KANK1: variants seen among roughly 807,000 people sequenced by gnomAD.
The protein encoded by KANK1 is KN motif and ankyrin repeat domains 1.
KANK1 carries 109 observed loss-of-function variants against 106.2 expected under a neutral mutation model. The observed-to-expected ratio is 1.03, with a 90% CI of 0.88 to 1.20. The LOEUF is 1.20. KANK1 is among the 50% of genes most tolerant of loss of function. The pLI, the probability that KANK1 is intolerant of heterozygous loss-of-function variation, is 0.00. For missense variants in KANK1, 2,399 were observed against 1,710.7 expected (o/e 1.40, Z -7.10); for synonymous variants, 873 against 652.2 (o/e 1.34, Z -5.16).
rs557202732 is a variant in KANK1, at chr9:743,155, C to T, written c.3897+750C>T. On this transcript the variant is annotated intron_variant, in intron 10 of 11. Coordinates refer to ENST00000382297, the MANE Select transcript of KANK1 (RefSeq NM_015158.5). ...CACAGAGGTCGGGTTGGCTTGGTTC[C>T]GTTTTTGAAAGTTTATCTCTGTGGA... Among the ~76,000 whole-genome samples the T allele has an allele frequency of 1.2e-4, 19 of 152,234 alleles. No individual in the cohort carries two copies. The South Asian group carries it at 3.1e-3, about 25-fold the overall frequency.
chr9:677,657 A>G (rs951567195), intron 2 of KANK1: 1 of 152,212 alleles, frequency 6.6e-6, no homozygotes, highest in Admixed American at 6.5e-5. Context: ...CCTGCCCAAA[A>G]TGGCGTGCCA....
intron 1 of KANK1, among the ~76,000 whole-genome samples, chr9:560,312 G>C (rs28366600): frequency 0.31 from 46,884 of 152,152 alleles, 8,217 homozygotes; most frequent in African/African-American, 0.46. Flanking sequence ...AAAAGCATGG[G>C]CTTGATTGTA....
chr9:485,635 G>C (rs1302327456), intron 3 of KANK1, among the ~76,000 whole-genome samples: 1 of 152,148 alleles, frequency 6.6e-6, no homozygotes, highest in Non-Finnish European at 1.5e-5. Flanking sequence ...CACTTTGAGA[G>C]GCCGAGGCGG....
intron 1 of KANK1, among the ~76,000 whole-genome samples, chr9:653,942 TG>T (rs1387191526): frequency 1.3e-5 from 2 of 152,180 alleles, no homozygotes; most frequent in African/African-American, 4.8e-5. Flanking sequence ...TTTCATTTTT[TG>T]CAGAGTGTGC....
chr9:738,437 C>T lies in KANK1; in HGVS notation c.3486C>T (p.Gly1162=), dbSNP rs765330886. Residue 1162 remains glycine (G), a synonymous_variant, in exon 8 of 12, where the codon GGC becomes GGT. Transcript: ENST00000382297. ...RYVINLADGN[G]NTALHYSVSH... is the part of the protein sequence containing the mutation. The stretch of plus-strand genomic sequence containing the variant: ...TCATCAACTTGGCAGACGGCAACGG[C>T]AACACAGCCCTCCATTACAGCGTGT... 11 of 1,614,044 alleles carry T rather than the reference C, an allele frequency of 6.8e-6. No individual in the cohort carries two copies. The African/African-American group carries it at 9.3e-5, about 14-fold the overall frequency.
At chr9:604,595 A>G (rs1304763107) in intron 1 of KANK1, among the ~76,000 whole-genome samples, 1 of 151,350 alleles carries the variant, frequency 6.6e-6, no homozygotes, top group Non-Finnish European at 1.5e-5. Context: ...ACTTTGAGAG[A>G]CCAACGCGGG....
chr9:560,075 G>A (rs754373364), intron 1 of KANK1, among the ~76,000 whole-genome samples: 2 of 152,182 alleles, frequency 1.3e-5, no homozygotes, highest in Non-Finnish European at 2.9e-5. Context: ...ATCCTCTAAT[G>A]GAATAAATGG....
At chr9:580,429 T>C (rs192923678) in intron 1 of KANK1, among the ~76,000 whole-genome samples, 2 of 152,330 alleles carry the variant, frequency 1.3e-5, no homozygotes, top group African/African-American at 4.8e-5. Context: ...TCTGCTTTTA[T>C]TCTCTTATCT....
chr9:672,480 G>T (rs1219080055), intron 1 of KANK1, among the ~76,000 whole-genome samples: 1 of 152,108 alleles, frequency 6.6e-6, no homozygotes, highest in East Asian at 1.9e-4. Flanking sequence ...TACACTTTGG[G>T]TGACATTTTA....
intron 1 of KANK1, among the ~76,000 whole-genome samples, chr9:638,831 C>A (rs183998452): frequency 9.0e-4 from 137 of 152,274 alleles, no homozygotes; most frequent in Non-Finnish European, 1.5e-3. Flanking sequence ...CTTCTCTCTG[C>A]CATTCAATTT....
In KANK1 at chr9:603,869, G is replaced by C. The variant is rs557731206; in HGVS notation, c.-83-73021G>C. On this transcript the variant is annotated intron_variant, in intron 1 of 11. Coordinates refer to ENST00000382297, the MANE Select transcript of KANK1 (RefSeq NM_015158.5). ...AGCTACTCTGGAGGCTGAGGCAGGA[G>C]AATCACTTGAACCCGGGAGGCAGAG... is the stretch of plus-strand genomic sequence containing the variant. Among the ~76,000 whole-genome samples the C allele has an allele frequency of 3.8e-4, 56 of 147,668 alleles. 1 individual carries two copies. The highest frequency in any genetic ancestry group is 1.4e-3 in the African/African-American group (54 of 39,778).
chr9:529,668 C>T (rs1237361289), intron 1 of KANK1, among the ~76,000 whole-genome samples: 2 of 152,138 alleles, frequency 1.3e-5, no homozygotes, highest in African/African-American at 2.4e-5. Flanking sequence ...TTTTAAAGAG[C>T]AGCATAGTAT....
chr9:742,918 T>G (rs754324540), intron 10 of KANK1, among the ~76,000 whole-genome samples: 21 of 152,230 alleles, frequency 1.4e-4, no homozygotes, highest in Non-Finnish European at 2.8e-4. Flanking sequence ...GCTTGACTTC[T>G]TGAAGCGTTT....
chr9:543,116 T>A (rs1275393610), intron 1 of KANK1, among the ~76,000 whole-genome samples: 1 of 152,204 alleles, frequency 6.6e-6, no homozygotes, highest in East Asian at 1.9e-4. Flanking sequence ...CCATGTATAT[T>A]GTAAATATAT....
At chr9:561,837 G>C (rs1318300194) in intron 1 of KANK1, among the ~76,000 whole-genome samples, 1 of 152,184 alleles carries the variant, frequency 6.6e-6, no homozygotes, top group East Asian at 1.9e-4. Context: ...ACTGTCAAGA[G>C]TCTGTAACAG....
At chr9:687,062 A>T (rs747519204) in intron 2 of KANK1, 2 of 372,140 alleles carry the variant, frequency 5.4e-6, no homozygotes, top group African/African-American at 2.2e-5. Context: ...CTGCATTTCA[A>T]TTGGGGTGTT....
Position 713,077 on chromosome 9 carries a change from C to T in KANK1, c.2311C>T (p.Leu771=). The change falls in exon 3 of 12, where the codon CTG becomes TTG. Residue 771 remains leucine (L), a synonymous_variant. Transcript: ENST00000382297. ...GCAGATAAATATTAACGACAACTATCTGGTTGGTCTCAAAATGAGGACTAT... is the reference window on the plus strand; with the variant it reads ...GCAGATAAATATTAACGACAACTATTTGGTTGGTCTCAAAATGAGGACTAT... ...VGQININDNY[L]VGLKMRTIAC... The T allele has an allele frequency of 6.2e-7, 1 of 1,613,694 alleles. No individual in the cohort carries two copies. Among genetic ancestry groups the T allele is most frequent in the Non-Finnish European group, 8.5e-7 (1 of 1,179,698 alleles).
At chr9:605,031 T>C (rs998511292) in intron 1 of KANK1, among the ~76,000 whole-genome samples, 1 of 151,366 alleles carries the variant, frequency 6.6e-6, no homozygotes, top group African/African-American at 2.4e-5. Context: ...CTGCTGAGAG[T>C]GGTGGCTCAC....
intron 3 of KANK1, chr9:484,141 T>G (rs1289224450): frequency 1.3e-5 from 2 of 152,168 alleles, no homozygotes; most frequent in African/African-American, 4.8e-5. Flanking sequence ...CTACTTCCCC[T>G]TCCATTGGAA....
Sources: gnomAD v4.1 joint callset for allele counts (sites outside exome capture counted in the v4.1 genomes callset) on GRCh38, gnomAD v4.1.1 for gene constraint, MANE v1.5 for transcripts, NCBI Gene and HGNC (gene_info 2026-07-23, HGNC 2026-07-21) for gene names.